The following LRRK2 variants were observed in gnomAD, a reference collection of about 807,000 sequenced individuals.
The protein encoded by LRRK2 is leucine rich repeat kinase 2, also known as leucine-rich repeat serine/threonine-protein kinase 2.
A neutral mutation model predicts 302.6 loss-of-function variants in LRRK2; 203 were observed. The ratio of observed to expected loss-of-function variants is 0.67; its 90% confidence interval spans 0.60 to 0.75. The LOEUF (loss-of-function observed/expected upper bound fraction) is 0.75, where lower values mean the gene tolerates loss of function less well. Ranked by LOEUF, LRRK2 falls within the 30% of genes least tolerant of loss-of-function variation. The pLI, the probability that LRRK2 is intolerant of heterozygous loss-of-function variation, is 0.00. For synonymous variants in LRRK2, 1,066 were observed against 1,031.9 expected, an observed-to-expected ratio of 1.03 and a Z score of -0.63; for missense variants, 2,830 against 2,951.0, an observed-to-expected ratio of 0.96 and a Z score of 0.95.
At chr12:40,308,906 T>G (rs1288725576) in intron 29 of LRRK2, among the ~76,000 whole-genome samples, 200 bp from the exon 30 acceptor site, 1 of 152,178 alleles carries the variant, frequency 6.6e-6, no homozygotes, top group Non-Finnish European at 1.5e-5. Context: ...GCTAGGTACT[T>G]TGATCGGTTG....
chr12:40,309,375 T>C, intron 30 of LRRK2, 142 bp downstream of exon 30: 1 of 1,115,406 alleles, frequency 9.0e-7, no homozygotes, highest in Non-Finnish European at 1.2e-6. Flanking sequence ...CACTAAAATT[T>C]TGAATTGGGA....
intron 16 of LRRK2, 79 bp from the exon 17 acceptor site, chr12:40,277,809 C>A: frequency 7.5e-7 from 1 of 1,336,066 alleles, no homozygotes; most frequent in Non-Finnish European, 1.0e-6. Context: ...GTTTCATATA[C>A]AAACTCTCTC....
intron 31 of LRRK2, among the ~76,000 whole-genome samples, chr12:40,311,367 C>A (rs1205934441): frequency 5.3e-5 from 8 of 151,636 alleles, no homozygotes; most frequent in African/African-American, 1.9e-4. Context: ...AAATACTTGG[C>A]AGAAAAAAGA....
intron 43 of LRRK2, among the ~76,000 whole-genome samples, chr12:40,348,964 T>C (rs1480548316): frequency 6.6e-6 from 1 of 152,082 alleles, no homozygotes; most frequent in Admixed American, 6.5e-5. Flanking sequence ...TTTCCTTCTT[T>C]TCCTGGTTAT....
intron 25 of LRRK2, among the ~76,000 whole-genome samples, chr12:40,301,699 A>G (rs1365870948): frequency 6.6e-6 from 1 of 152,128 alleles, no homozygotes; most frequent in Non-Finnish European, 1.5e-5. Context: ...GCTAATAACT[A>G]ATTCCTCAAT....
intron 20 of LRRK2, among the ~76,000 whole-genome samples, chr12:40,288,689 T>C (rs1944024960): frequency 6.6e-6 from 1 of 151,882 alleles, no homozygotes; most frequent in Non-Finnish European, 1.5e-5. Context: ...TGATGACTAA[T>C]TATGTAGAGG....
At chr12:40,248,717 A>G (rs1473054927) in intron 7 of LRRK2, among the ~76,000 whole-genome samples, 1 of 152,236 alleles carries the variant, frequency 6.6e-6, no homozygotes, top group African/African-American at 2.4e-5. Flanking sequence ...AAGTTACCTG[A>G]ACATAAGTCC....
At chr12:40,326,359 G>T (rs774112107) in intron 38 of LRRK2, among the ~76,000 whole-genome samples, 7 of 151,710 alleles carry the variant, frequency 4.6e-5, no homozygotes, top group Non-Finnish European at 8.8e-5. Context: ...CCAGCTACTC[G>T]GGAGGCTGAG....
chr12:40,290,451 A>C (rs995559035), intron 20 of LRRK2, among the ~76,000 whole-genome samples: 2 of 152,032 alleles, frequency 1.3e-5, no homozygotes, highest in African/African-American at 2.4e-5. Context: ...AATTTTCTGG[A>C]AGAATTTGTG....
chr12:40,294,925 G>T lies in LRRK2; in HGVS notation c.2878+11G>T. ...CAGATGATTCACTCAGTAAGTATTT[G>T]GATGTAATCATAAGTAAATAGATAT... On this transcript the variant is annotated intron_variant, in intron 22 of 50. Transcript: ENST00000298910. The T allele has an allele frequency of 6.9e-7, 1 of 1,453,008 alleles. No homozygotes were observed. The highest frequency in any genetic ancestry group is 1.2e-5 in the South Asian group (1 of 84,494). 90.0% of individuals were successfully genotyped at this position (1,453,008 alleles called of 1,614,324 possible). A position where few individuals can be genotyped will look rare whatever the true frequency, so the allele number is the denominator to read the frequency against.
chr12:40,226,955 T>A (rs1940920561), intron 2 of LRRK2, among the ~76,000 whole-genome samples: 1 of 152,128 alleles, frequency 6.6e-6, no homozygotes, highest in Admixed American at 6.6e-5. Flanking sequence ...AGTCAGATCC[T>A]GGGTAGGCGT....
intron 23 of LRRK2, among the ~76,000 whole-genome samples, chr12:40,297,802 A>G (rs1418818591): frequency 6.6e-6 from 1 of 152,214 alleles, no homozygotes; most frequent in African/African-American, 2.4e-5. Flanking sequence ...AAAATGAAAC[A>G]CATTATAAGT....
Position 40,335,124 on chromosome 12 carries a change from A to G in LRRK2, c.5915A>G (p.His1972Arg), listed in dbSNP as rs762547790. The G allele has an allele frequency of 4.3e-6, 7 of 1,614,044 alleles. No homozygotes were observed. The highest frequency in any genetic ancestry group is 5.9e-6 in the Non-Finnish European group (7 of 1,179,972). Residue 1972 changes from histidine (H) to arginine (R), a missense_variant, in exon 40 of 51, where the codon CAC becomes CGC. His to Arg is a conservative substitution (Grantham distance 29, BLOSUM62 0). Coordinates refer to ENST00000298910, the MANE Select transcript of LRRK2 (RefSeq NM_198578.4). The part of the protein sequence containing the change: ...DKASLTRTLQ[H>R]RIALHVADGL... ...GCCAGCCTCACTAGAACCCTACAGCACAGGATTGCACTCCACGTAGCTGAT... is the reference window on the plus strand; with the variant it reads ...GCCAGCCTCACTAGAACCCTACAGCGCAGGATTGCACTCCACGTAGCTGAT...
chr12:40,231,576 C>CAAAAAAAAAAAAAAAAACAA (rs71078231), intron 2 of LRRK2, among the ~76,000 whole-genome samples: 113 of 104,580 alleles, frequency 1.1e-3, no homozygotes, highest in Non-Finnish European at 1.4e-3. Flanking sequence ...AAAACAAAAC[C>CAAAAAAAAAAAAAAAAACAA]AAAAAAAAAA....
intron 13 of LRRK2, among the ~76,000 whole-genome samples, chr12:40,260,191 T>C (rs118076169): frequency 0.013 from 1,991 of 152,152 alleles, 24 homozygotes; most frequent in Middle Eastern, 0.037. Flanking sequence ...CTAAGCACTG[T>C]GATGCTGTTA....
At chr12:40,359,485 C>T in intron 47 of LRRK2, 41 bp downstream of exon 47, 1 of 1,568,806 alleles carries the variant, frequency 6.4e-7, no homozygotes. Context: ...TATCATTATA[C>T]TTTTGTTTTT....
chr12:40,263,791 A>G lies in LRRK2; in HGVS notation c.1546A>G (p.Met516Val), dbSNP rs746747483. The G allele has an allele frequency of 3.2e-5, 51 of 1,606,286 alleles. No individual in the cohort carries two copies. The Admixed American group carries it at 8.3e-4, about 26-fold the overall frequency. ...TATTTATTTATCTGTGCATTTAGGCATGCCAGAAGAATCCAGGGAGGATAC... is the reference window on the plus strand; with the variant it reads ...TATTTATTTATCTGTGCATTTAGGCGTGCCAGAAGAATCCAGGGAGGATAC... The part of the protein sequence containing the change: ...RAILHFIVPG[M>V]PEESREDTEF... The change falls in exon 14 of 51, where the codon ATG (methionine) becomes GTG (valine). Residue 516 changes from methionine to valine, a missense_variant and splice_region_variant. This residue lies in a region of LRRK2 where 2,121 missense variants were observed against 2,148.0 expected (regional missense o/e 0.99). Transcript: ENST00000298910.
chr12:40,296,122 T>A (rs1944377236), intron 23 of LRRK2, among the ~76,000 whole-genome samples: 1 of 152,210 alleles, frequency 6.6e-6, no homozygotes, highest in Middle Eastern at 3.2e-3. Context: ...AAAGTTTTTT[T>A]TTCAGTTTAA....
intron 14 of LRRK2, among the ~76,000 whole-genome samples, chr12:40,266,264 G>A (rs1943008303): frequency 6.6e-6 from 1 of 152,010 alleles, no homozygotes; most frequent in South Asian, 2.1e-4. Flanking sequence ...CTGACAAAGG[G>A]CTAATATCTA....
Sources: allele counts gnomAD v4.1 joint callset (sites outside exome capture counted in the v4.1 genomes callset), GRCh38; gene constraint gnomAD v4.1.1; regional missense constraint gnomAD v4.1.1; transcripts MANE v1.5; gene names NCBI Gene and HGNC (gene_info 2026-07-23, HGNC 2026-07-21).